P2RY14: variants seen among roughly 807,000 people sequenced by gnomAD.
P2RY14 encodes the protein P2Y purinoceptor 14.
P2RY14 carries 2 observed loss-of-function variants against 0.9 expected under a neutral mutation model. That is an observed-to-expected ratio of 2.16 (90% CI 0.88 to 6.79). The LOEUF (loss-of-function observed/expected upper bound fraction) is 6.79, where lower values mean the gene tolerates loss of function less well. P2RY14 is among the 30% of genes most tolerant of loss of function. P2RY14 has a pLI of 0.05. For missense variants in P2RY14, 378 were observed against 400.1 expected (o/e 0.94, Z 0.47); for synonymous variants, 158 against 147.2 (o/e 1.07, Z -0.53).
rs62282979 is a variant in P2RY14 at position 151,240,914 on chromosome 3, T to A, written c.-132-21272A>T. Among the ~76,000 whole-genome samples the A allele has an allele frequency of 6.0e-3, 915 of 152,356 alleles. 29 individuals are homozygous for A. In the East Asian group the frequency reaches 0.09, roughly 15 times the overall value. ...CTTGGTCTTGATTAGCTGTGTCATC[T>A]TGCCTGAATCACTGAACCTCTCTAG... On this transcript the variant is annotated intron_variant, in intron 1 of 2. Coordinates refer to ENST00000309170, the MANE Select transcript of P2RY14 (RefSeq NM_014879.4).
chr3:151,232,722 T>C (rs1226351885), intron 1 of P2RY14, among the ~76,000 whole-genome samples: 1 of 152,074 alleles, frequency 6.6e-6, no homozygotes, highest in African/African-American at 2.4e-5. Context: ...CACTTATAAG[T>C]GGGAGCTAAA....
chr3:151,253,999 G>T (rs1420091604), intron 1 of P2RY14, among the ~76,000 whole-genome samples: 41 of 136,810 alleles, frequency 3.0e-4, no homozygotes, highest in Non-Finnish European at 3.5e-4. Context: ...ATTTTTTCTT[G>T]TTTTTTTTTT....
chr3:151,232,254 T>G (rs560332850), intron 1 of P2RY14, among the ~76,000 whole-genome samples: 1 of 152,360 alleles, frequency 6.6e-6, no homozygotes, highest in South Asian at 2.1e-4. Context: ...TGTAGCTCTT[T>G]GAGCAATCAC....
chr3:151,240,607 T>A (rs1288689369), intron 1 of P2RY14, among the ~76,000 whole-genome samples: 1 of 151,884 alleles, frequency 6.6e-6, no homozygotes, highest in Non-Finnish European at 1.5e-5. Flanking sequence ...AATCTAGTTG[T>A]TTATCTTTAA....
chr3:151,245,346 T>A (rs1264992090), intron 1 of P2RY14, among the ~76,000 whole-genome samples: 3 of 151,900 alleles, frequency 2.0e-5, no homozygotes, highest in Non-Finnish European at 4.4e-5. Flanking sequence ...ATATCCTTGA[T>A]GAACATTGAT....
At chr3:151,242,495 C>G (rs917072374) in intron 1 of P2RY14, among the ~76,000 whole-genome samples, 7 of 152,328 alleles carry the variant, frequency 4.6e-5, no homozygotes, top group South Asian at 2.1e-4. Context: ...AGGCACCCCC[C>G]AGCAGGGGCA....
intron 1 of P2RY14, among the ~76,000 whole-genome samples, chr3:151,251,450 G>C (rs1166374137): frequency 6.6e-6 from 1 of 151,570 alleles, no homozygotes; most frequent in East Asian, 1.9e-4. Flanking sequence ...TTTTTTGTCT[G>C]TGTTCCCTGC....
chr3:151,230,270 G>A (rs1207615867), intron 1 of P2RY14, among the ~76,000 whole-genome samples: 1 of 152,178 alleles, frequency 6.6e-6, no homozygotes, highest in Non-Finnish European at 1.5e-5. Context: ...CACCGCACCC[G>A]GCCGGGATCT....
intron 1 of P2RY14, among the ~76,000 whole-genome samples, chr3:151,274,608 C>T (rs1010697402): frequency 6.6e-6 from 1 of 152,220 alleles, no homozygotes; most frequent in East Asian, 1.9e-4. Flanking sequence ...GGGCTATCAG[C>T]TCCCAGCTGG....
intron 1 of P2RY14, among the ~76,000 whole-genome samples, chr3:151,251,421 C>T (rs1431993360): frequency 6.6e-6 from 1 of 151,912 alleles, no homozygotes; most frequent in African/African-American, 2.4e-5. Context: ...GACTGTTATT[C>T]CCACCAAACC....
Position 151,213,622 on chromosome 3 carries a change from C to T in P2RY14, c.695G>A (p.Ser232Asn), listed in dbSNP as rs999725235. ...AAACACGATGCTGAATATGTTGCGG[C>T]TAGATTTCTTTTTGACCGAAGTGGA... ...RNSTSVKKKS[S>N]RNIFSIVFVF... The change falls in exon 3 of 3, where the codon AGC (serine) becomes AAC (asparagine). Residue 232 changes from serine to asparagine, a missense_variant. Ser to Asn is a conservative substitution (Grantham distance 46). Transcript: ENST00000309170. The T allele has an allele frequency of 4.3e-6, 7 of 1,613,964 alleles. No homozygotes were observed. Among genetic ancestry groups the T allele is most frequent in the Admixed American group, 1.7e-5 (1 of 59,992 alleles).
chr3:151,213,227 CTTA>C lies in P2RY14; in HGVS notation c.*70_*72del. On this transcript the variant is annotated 3_prime_UTR_variant, in exon 3 of 3. Coordinates refer to ENST00000309170, the MANE Select transcript of P2RY14 (RefSeq NM_014879.4). ...TGATATTTATGATGAGGGCACATAT[CTTA>C]TTGATTTCTGTTATGTAATTGAAGA... 1 of 1,158,280 alleles carries C rather than the reference CTTA, an allele frequency of 8.6e-7. No individual in the cohort carries two copies. Among genetic ancestry groups the C allele is most frequent in the South Asian group, 1.5e-5 (1 of 66,058 alleles). The allele number at this position is 1,158,280 out of a possible 1,614,324, so 71.8% of individuals were successfully genotyped here.
At chr3:151,244,701 A>C in intron 1 of P2RY14, among the ~76,000 whole-genome samples, 1 of 151,600 alleles carries the variant, frequency 6.6e-6, no homozygotes, top group Non-Finnish European at 1.5e-5. Context: ...CATCACAATT[A>C]AAAGAACTAG....
At chr3:151,277,384 G>T (rs1742064334) in intron 1 of P2RY14, among the ~76,000 whole-genome samples, 1 of 152,004 alleles carries the variant, frequency 6.6e-6, no homozygotes, top group African/African-American at 2.4e-5. Flanking sequence ...TATTTTCCGA[G>T]TGCATTGTTT....
chr3:151,238,706 A>C (rs1003051562), intron 1 of P2RY14, among the ~76,000 whole-genome samples: 24 of 152,180 alleles, frequency 1.6e-4, no homozygotes, highest in African/African-American at 5.8e-4. Flanking sequence ...GAAAAGAAAA[A>C]TCAGTTTTAC....
chr3:151,269,665 A>T (rs1014377530), intron 1 of P2RY14: 5 of 407,070 alleles, frequency 1.2e-5, no homozygotes, highest in African/African-American at 1.1e-4. Context: ...CAGAATTTGG[A>T]GGTATTAAAT....
intron 1 of P2RY14, among the ~76,000 whole-genome samples, chr3:151,245,015 C>A (rs1304197401): frequency 4.1e-5 from 2 of 48,260 alleles, no homozygotes; most frequent in Admixed American, 5.4e-4. Flanking sequence ...ACTAGAAAAT[C>A]TAGAAGAAAT....
intron 1 of P2RY14, among the ~76,000 whole-genome samples, chr3:151,267,327 A>G (rs946960468): frequency 6.6e-6 from 1 of 152,226 alleles, no homozygotes. Context: ...GAAATACTTC[A>G]TGAGAAAAGG....
rs771257232 is a variant in P2RY14 at position 151,214,154 on chromosome 3, T to A, written c.163A>T (p.Ser55Cys). ...ATGTTCTTGAGATAGATGATGAAAC[T>A]CTTAGAGCTGGGCACGTAAAAGAAT... ...WIFFYVPSSK[S>C]FIIYLKNIVI... The change falls in exon 3 of 3, where the codon AGT (serine) becomes TGT (cysteine). Residue 55 changes from serine (S) to cysteine (C), a missense_variant. Physicochemically the swap from Ser to Cys is moderately radical, Grantham distance 112. Transcript: ENST00000309170. 6.2e-7 allele frequency: 1 copy of A among 1,614,084 alleles called. No individual in the cohort carries two copies. Among genetic ancestry groups the A allele is most frequent in the Non-Finnish European group, 8.5e-7 (1 of 1,179,980 alleles).
Sources: allele counts gnomAD v4.1 joint callset (sites outside exome capture counted in the v4.1 genomes callset), GRCh38; gene constraint gnomAD v4.1.1; transcripts MANE v1.5; gene names NCBI Gene and HGNC (gene_info 2026-07-23, HGNC 2026-07-21).